Variants in SLC35D4 observed in about 807,000 individuals in gnomAD.
The protein encoded by SLC35D4 is solute carrier family 35 member D4, also known as UDP-N-acetylglucosamine transporter SLC35D4.
At chr18:23,282,318 C>G in the SLC35D4 span, among the ~76,000 whole-genome samples, 12 of 152,306 alleles carry the variant, frequency 7.9e-5, no homozygotes, top group East Asian at 3.9e-4. Flanking sequence ...GACTCCCCCC[C>G]AGTTGATCCT....
the SLC35D4 span, among the ~76,000 whole-genome samples, chr18:23,428,178 AT>A: frequency 6.8e-6 from 1 of 146,160 alleles, no homozygotes; most frequent in Non-Finnish European, 1.5e-5. Flanking sequence ...TAATAAAAAA[AT>A]TAAAAGAATT....
chr18:23,268,791 C>T, the SLC35D4 span, among the ~76,000 whole-genome samples: 7 of 144,138 alleles, frequency 4.9e-5, no homozygotes, highest in South Asian at 2.2e-4. Context: ...GCCTGCTGTG[C>T]GTGTGTGTGT....
chr18:23,307,967 C>T, the SLC35D4 span, among the ~76,000 whole-genome samples: 2 of 152,176 alleles, frequency 1.3e-5, no homozygotes, highest in African/African-American at 2.4e-5. Context: ...AACACCACCC[C>T]ACACCCAACT....
At chr18:23,318,545 C>T in the SLC35D4 span, among the ~76,000 whole-genome samples, 84 of 152,264 alleles carry the variant, frequency 5.5e-4, 1 homozygote, top group East Asian at 7.3e-3. Flanking sequence ...ACACTATACA[C>T]GTATCATATA....
chr18:23,335,441 G>T, the SLC35D4 span, among the ~76,000 whole-genome samples: 1 of 152,154 alleles, frequency 6.6e-6, no homozygotes, highest in Non-Finnish European at 1.5e-5. Context: ...TCTGGTTGGG[G>T]CACCAGCAGA....
At chr18:23,245,384 A>C in the SLC35D4 span, among the ~76,000 whole-genome samples, 8 of 151,566 alleles carry the variant, frequency 5.3e-5, no homozygotes, top group African/African-American at 9.7e-5. Context: ...GGTGGCGTGC[A>C]CCTGTAGTCC....
chr18:23,290,830 G>A, the SLC35D4 span, among the ~76,000 whole-genome samples: 1 of 150,692 alleles, frequency 6.6e-6, no homozygotes, highest in Admixed American at 6.6e-5. Context: ...TAGAAACAGA[G>A]TTTCAACACA....
chr18:23,368,840 T>C, the SLC35D4 span: 6 of 821,776 alleles, frequency 7.3e-6, no homozygotes, highest in African/African-American at 3.5e-5. Context: ...TAATAAATTC[T>C]ATTTTAGTTA....
the SLC35D4 span, chr18:23,376,708 G>T: frequency 2.2e-6 from 1 of 448,146 alleles, no homozygotes; most frequent in Non-Finnish European, 4.5e-6. Flanking sequence ...CCCCATCCAT[G>T]GAGAATGAGC....
the SLC35D4 span, among the ~76,000 whole-genome samples, chr18:23,256,535 C>T: frequency 7.9e-5 from 12 of 152,048 alleles, no homozygotes; most frequent in South Asian, 2.1e-4. Flanking sequence ...GGCTGGAGTT[C>T]GGTGGCACAA....
At chr18:23,393,549 A>C in the SLC35D4 span, among the ~76,000 whole-genome samples, 1 of 152,144 alleles carries the variant, frequency 6.6e-6, no homozygotes, top group Non-Finnish European at 1.5e-5. Flanking sequence ...TAATGTTCTC[A>C]AGGTTCATCC....
At chr18:23,296,066 G>A in the SLC35D4 span, 1 of 152,060 alleles carries the variant, frequency 6.6e-6, no homozygotes, top group South Asian at 2.1e-4. Flanking sequence ...ACATAGGGAG[G>A]GGAACATCAC....
chr18:23,418,747 C>T, the SLC35D4 span, among the ~76,000 whole-genome samples: 3 of 151,878 alleles, frequency 2.0e-5, no homozygotes, highest in Non-Finnish European at 4.4e-5. Flanking sequence ...GTGGCTCAAG[C>T]CTGTAATCCC....
chr18:23,370,392 A>G, the SLC35D4 span: 5 of 782,854 alleles, frequency 6.4e-6, no homozygotes, highest in African/African-American at 1.8e-5. Flanking sequence ...TTTCCCTACG[A>G]GTGTCACACC....
the SLC35D4 span, chr18:23,368,573 C>T: frequency 1.7e-6 from 1 of 588,956 alleles, no homozygotes; most frequent in African/African-American, 1.9e-5. Context: ...ATTTGGTCTC[C>T]TCAACTCTGT....
the SLC35D4 span, among the ~76,000 whole-genome samples, chr18:23,263,443 G>A: frequency 2.0e-5 from 3 of 152,342 alleles, no homozygotes; most frequent in East Asian, 3.9e-4. Flanking sequence ...TGGGGCCCAC[G>A]TCTGAGCCCC....
the SLC35D4 span, among the ~76,000 whole-genome samples, chr18:23,398,536 C>T: frequency 2.6e-5 from 4 of 152,208 alleles, no homozygotes; most frequent in African/African-American, 9.6e-5. Flanking sequence ...CAGCAACATG[C>T]ACCGTGGGTC....
chr18:23,425,112 T>C, the SLC35D4 span, among the ~76,000 whole-genome samples: 1 of 152,206 alleles, frequency 6.6e-6, no homozygotes, highest in Non-Finnish European at 1.5e-5. Flanking sequence ...TTTTTTATCT[T>C]TTATTTTTGG....
the SLC35D4 span, among the ~76,000 whole-genome samples, chr18:23,342,192 C>T: frequency 6.6e-6 from 1 of 152,122 alleles, no homozygotes; most frequent in Non-Finnish European, 1.5e-5. Context: ...TGAAAGTTTC[C>T]ATTAGCCAAA....
Sources: allele counts gnomAD v4.1 joint callset (sites outside exome capture counted in the v4.1 genomes callset), GRCh38; gene constraint gnomAD v4.1.1; transcripts MANE v1.5; gene names NCBI Gene and HGNC (gene_info 2026-07-23, HGNC 2026-07-21).